PIGL: variants seen among roughly 807,000 people sequenced by gnomAD.
PIGL encodes N-acetylglucosaminyl-phosphatidylinositol de-N-acetylase.
PIGL carries 22 observed loss-of-function variants against 31.1 expected under a neutral mutation model. The observed-to-expected ratio is 0.71, with a 90% CI of 0.51 to 1.01. The LOEUF is 1.01. Among genes scored for constraint, PIGL ranks in the 50% least tolerant of loss-of-function variants. The probability of loss-of-function intolerance (pLI) is 0.00; values close to 1 mark genes in which losing one functional copy is unlikely to be tolerated. For synonymous variants in PIGL, 131 were observed against 117.4 expected, an observed-to-expected ratio of 1.12 and a Z score of -0.75; for missense variants, 302 against 315.9, an observed-to-expected ratio of 0.96 and a Z score of 0.33.
intron 3 of PIGL, among the ~76,000 whole-genome samples, chr17:16,310,973 GA>G (rs1301948001): frequency 6.6e-6 from 1 of 152,216 alleles, no homozygotes; most frequent in African/African-American, 2.4e-5. Context: ...TCAGGTGTAA[GA>G]TAGGGTTAAT....
intron 2 of PIGL, among the ~76,000 whole-genome samples, chr17:16,257,064 C>T (rs1046015949): frequency 6.6e-6 from 1 of 152,112 alleles, no homozygotes; most frequent in African/African-American, 2.4e-5. Flanking sequence ...ACTCCACTGC[C>T]ACTGCACTCT....
chr17:16,264,570 A>C (rs1244734723), intron 2 of PIGL, among the ~76,000 whole-genome samples: 4 of 151,858 alleles, frequency 2.6e-5, no homozygotes, highest in Non-Finnish European at 5.9e-5. Flanking sequence ...GTAACCTTTA[A>C]GTCAAACTAG....
At chr17:16,268,802 G>A (rs1173278285) in intron 2 of PIGL, among the ~76,000 whole-genome samples, 3 of 150,956 alleles carry the variant, frequency 2.0e-5, no homozygotes, top group East Asian at 1.9e-4. Context: ...TTGTTCTGTC[G>A]CCCAGGCTGG....
chr17:16,266,640 A>G (rs1439732374), intron 2 of PIGL, among the ~76,000 whole-genome samples: 4 of 151,530 alleles, frequency 2.6e-5, no homozygotes, highest in Non-Finnish European at 2.9e-5. Flanking sequence ...CTGTTGCCCA[A>G]GGTGGAGTGC....
chr17:16,246,296 G>A lies in PIGL; in HGVS notation c.335+12226G>A, dbSNP rs766178134. On this transcript the variant is annotated intron_variant, in intron 2 of 6. Coordinates refer to ENST00000225609, the MANE Select transcript of PIGL (RefSeq NM_004278.4). ...GCACTTTGGGAGGCAGGTGGATCAC[G>A]AGGTCAAGAGATCGAGACCATCCTG... Among the ~76,000 whole-genome samples, 77 of 151,276 alleles carry A rather than the reference G, an allele frequency of 5.1e-4. 1 individual carries two copies. The highest frequency in any genetic ancestry group is 1.3e-3 in the Admixed American group (19 of 15,174).
intron 3 of PIGL, among the ~76,000 whole-genome samples, chr17:16,309,720 G>A (rs189734122): frequency 1.7e-4 from 25 of 148,794 alleles, no homozygotes; most frequent in Admixed American, 1.2e-3. Flanking sequence ...GAGAAATTGC[G>A]CCACTGCGCT....
intron 2 of PIGL, among the ~76,000 whole-genome samples, chr17:16,270,359 T>G (rs1304794531): frequency 1.3e-5 from 2 of 152,032 alleles, no homozygotes; most frequent in African/African-American, 2.4e-5. Context: ...TATAACATAT[T>G]TAGTTCATTG....
chr17:16,316,624 T>A (rs2093078252), intron 4 of PIGL, 57 bp from the exon 5 acceptor site: 1 of 1,533,570 alleles, frequency 6.5e-7, no homozygotes, highest in South Asian at 1.2e-5. Flanking sequence ...GCCCCTCCTG[T>A]TACCTACAAA....
intron 2 of PIGL, among the ~76,000 whole-genome samples, chr17:16,236,504 G>A (rs1191816587): frequency 6.6e-6 from 1 of 152,124 alleles, no homozygotes; most frequent in African/African-American, 2.4e-5. Flanking sequence ...GCCTTTGTTT[G>A]TCTTAGTAGG....
At position 16,299,901 on chromosome 17, in the gene PIGL, G is replaced by A; in HGVS notation, c.349G>A (p.Asp117Asn). The change falls in exon 3 of 7, where the codon GAC (aspartate) becomes AAC (asparagine). Residue 117 changes from aspartate (D) to asparagine (N), a missense_variant. Physicochemically the swap from Asp to Asn is conservative, Grantham distance 23 (BLOSUM62 1). Transcript: ENST00000225609. ...TCTCTCTTGTAGGGATTTCCCAGAT[G>A]ACCCAGGCATGCAGTGGGACACAGA... ...MIIDNRDFPD[D>N]PGMQWDTEHV... The A allele has an allele frequency of 6.2e-7, 1 of 1,613,502 alleles. No individual in the cohort carries two copies. Among genetic ancestry groups the A allele is most frequent in the Non-Finnish European group, 8.5e-7 (1 of 1,179,416 alleles).
At chr17:16,320,770 G>T (rs2093102123) in intron 6 of PIGL, among the ~76,000 whole-genome samples, 1 of 151,450 alleles carries the variant, frequency 6.6e-6, no homozygotes. Flanking sequence ...CAGTAACTGG[G>T]ACTACAGGTT....
intron 2 of PIGL, among the ~76,000 whole-genome samples, chr17:16,253,155 G>A (rs979286873): frequency 1.3e-5 from 2 of 152,168 alleles, no homozygotes; most frequent in Non-Finnish European, 2.9e-5. Flanking sequence ...CCGGGAGGCT[G>A]AGGCAAGAGA....
Position 16,313,549 on chromosome 17 carries a change from G to A in PIGL, c.429G>A (p.Val143=), listed in dbSNP as rs2093063745. 5 of 1,612,658 alleles carry A rather than the reference G, an allele frequency of 3.1e-6. No individual in the cohort carries two copies. The highest frequency in any genetic ancestry group is 1.7e-4 in the Middle Eastern group (1 of 6,054). The change falls in exon 4 of 7, where the codon GTG becomes GTA. Residue 143 remains valine (V), a splice_region_variant and synonymous_variant. Coordinates refer to ENST00000225609, the MANE Select transcript of PIGL (RefSeq NM_004278.4). ...QHIEVNGINL[V]VTFDAGGVSG... Reference sequence around the variant, plus strand: ...GAAAACCCTGTGTTTCTCTACAGGTGGTGACTTTCGATGCAGGGGGAGTAA... The same window carrying A: ...GAAAACCCTGTGTTTCTCTACAGGTAGTGACTTTCGATGCAGGGGGAGTAA...
At chr17:16,244,703 C>A (rs535856529) in intron 2 of PIGL, among the ~76,000 whole-genome samples, 2 of 152,212 alleles carry the variant, frequency 1.3e-5, no homozygotes, top group South Asian at 4.1e-4. Context: ...GAGACAGGGT[C>A]TCACTCTGTC....
intron 2 of PIGL, among the ~76,000 whole-genome samples, chr17:16,285,602 T>G (rs567023143): frequency 1.3e-5 from 2 of 152,172 alleles, no homozygotes; most frequent in African/African-American, 4.8e-5. Flanking sequence ...TGGTTAGATT[T>G]GGGGGCTTCA....
chr17:16,305,530 G>A (rs1407103225), intron 3 of PIGL, among the ~76,000 whole-genome samples: 1 of 152,336 alleles, frequency 6.6e-6, no homozygotes, highest in Non-Finnish European at 1.5e-5. Context: ...AGTTCAGAGA[G>A]CTGAATACAA....
chr17:16,248,545 T>C lies in PIGL; in HGVS notation c.335+14475T>C, dbSNP rs117158607. On this transcript the variant is annotated intron_variant, in intron 2 of 6. Coordinates refer to ENST00000225609, the MANE Select transcript of PIGL (RefSeq NM_004278.4). ...AAAGACCATATTTCCACTGACATTCTGTTCATGATTGTTTATGTATTCTCT... is the reference window on the plus strand; with the variant it reads ...AAAGACCATATTTCCACTGACATTCCGTTCATGATTGTTTATGTATTCTCT... 3.1e-3 allele frequency among the ~76,000 whole-genome samples: 477 copies of C among 152,334 alleles called. 1 individual carries two copies. Among genetic ancestry groups the C allele is most frequent in the Non-Finnish European group, 5.6e-3 (378 of 68,022 alleles).
intron 2 of PIGL, among the ~76,000 whole-genome samples, chr17:16,235,863 C>T (rs1026164410): frequency 2.0e-5 from 3 of 150,292 alleles, no homozygotes; most frequent in African/African-American, 7.3e-5. Context: ...TCAGGAGACA[C>T]GTACTATCTG....
intron 1 of PIGL, among the ~76,000 whole-genome samples, chr17:16,221,055 A>G (rs778847175): frequency 1.4e-4 from 21 of 152,222 alleles, no homozygotes; most frequent in Non-Finnish European, 3.1e-4. Flanking sequence ...TAAACCAAAC[A>G]TGAATAACAT....
Sources: allele counts gnomAD v4.1 joint callset (sites outside exome capture counted in the v4.1 genomes callset), GRCh38; gene constraint gnomAD v4.1.1; transcripts MANE v1.5; gene names NCBI Gene and HGNC (gene_info 2026-07-23, HGNC 2026-07-21).